Variants in NPFFR2 observed in about 807,000 individuals in gnomAD.
NPFFR2 encodes G-protein coupled receptor 74.
Under a neutral mutation model 13.1 loss-of-function variants are expected in NPFFR2, and 15 were observed. The observed-to-expected ratio is 1.15, with a 90% CI of 0.77 to 1.76. NPFFR2 has a LOEUF of 1.76. NPFFR2 is among the 40% of genes most tolerant of loss of function. The pLI, the probability that NPFFR2 is intolerant of heterozygous loss-of-function variation, is 0.00. For synonymous variants in NPFFR2, 190 were observed against 175.7 expected (o/e 1.08, Z -0.65); for missense variants, 572 against 503.5 (o/e 1.14, Z -1.30).
chr4:72,144,655 G>A (rs1023976940), intron 3 of NPFFR2, among the ~76,000 whole-genome samples: 2 of 151,982 alleles, frequency 1.3e-5, no homozygotes, highest in Admixed American at 1.3e-4. Flanking sequence ...AATTAAACAT[G>A]CCCAGAGCTG....
intron 1 of NPFFR2, among the ~76,000 whole-genome samples, chr4:72,102,563 C>T (rs887128886): frequency 8.1e-6 from 1 of 123,862 alleles, no homozygotes; most frequent in African/African-American, 3.1e-5. Context: ...GTGTGATGTT[C>T]CCCTTCCTGT....
intron 1 of NPFFR2, among the ~76,000 whole-genome samples, chr4:72,037,210 G>A (rs1719060548): frequency 6.6e-6 from 1 of 150,994 alleles, no homozygotes; most frequent in Admixed American, 6.6e-5. Flanking sequence ...GCAACATAGT[G>A]AGATCCTGTG....
chr4:72,056,149 C>G (rs1189852498), intron 1 of NPFFR2, among the ~76,000 whole-genome samples: 1 of 151,998 alleles, frequency 6.6e-6, no homozygotes, highest in African/African-American at 2.4e-5. Flanking sequence ...TGAGGACTTT[C>G]ATAGCTAGAG....
intron 1 of NPFFR2, among the ~76,000 whole-genome samples, chr4:72,058,928 C>T (rs78254513): frequency 7.2e-5 from 11 of 152,084 alleles, no homozygotes; most frequent in African/African-American, 2.4e-4. Context: ...CCAGTAAATC[C>T]GTTACAAAAT....
intron 3 of NPFFR2, among the ~76,000 whole-genome samples, chr4:72,144,795 G>A (rs984776183): frequency 2.0e-5 from 3 of 152,114 alleles, no homozygotes; most frequent in Non-Finnish European, 4.4e-5. Flanking sequence ...CTTTATCCTT[G>A]AATCTTCTTT....
At chr4:72,118,658 GA>G (rs1346343787) in intron 1 of NPFFR2, among the ~76,000 whole-genome samples, 1 of 151,678 alleles carries the variant, frequency 6.6e-6, no homozygotes, top group African/African-American at 2.4e-5. Flanking sequence ...AATTACAAAA[GA>G]AAAAAACCTA....
Position 72,120,240 on chromosome 4 carries a change from T to C in NPFFR2, c.-7-8345T>C, listed in dbSNP as rs376217879. Among the ~76,000 whole-genome samples the C allele has an allele frequency of 2.4e-3, 366 of 152,310 alleles. 3 individuals are homozygous for C. Among genetic ancestry groups the C allele is most frequent in the African/African-American group, 8.2e-3 (343 of 41,580 alleles). ...TCCTCCTCTCTGGGCAGGGCATCTC[T>C]GAAAGAAAGGCAGCAGCCCAAACAG... On this transcript the variant is annotated intron_variant, in intron 1 of 3. Transcript: ENST00000308744.
At chr4:72,095,234 T>C (rs1339034328) in intron 1 of NPFFR2, among the ~76,000 whole-genome samples, 5 of 152,240 alleles carry the variant, frequency 3.3e-5, no homozygotes, top group Admixed American at 6.5e-5. Context: ...ATTACAGATA[T>C]GTCTGCTGGT....
intron 1 of NPFFR2, among the ~76,000 whole-genome samples, chr4:72,051,731 AAT>A (rs1261131769): frequency 6.6e-6 from 1 of 152,146 alleles, no homozygotes; most frequent in African/African-American, 2.4e-5. Context: ...GGATCAACAA[AAT>A]TGATAGACTG....
At chr4:72,122,247 A>T (rs972788369) in intron 1 of NPFFR2, among the ~76,000 whole-genome samples, 1 of 152,232 alleles carries the variant, frequency 6.6e-6, no homozygotes, top group Non-Finnish European at 1.5e-5. Context: ...ACCCAGATTC[A>T]TAAAACAAGT....
intron 1 of NPFFR2, among the ~76,000 whole-genome samples, chr4:72,033,951 A>G (rs184958763): frequency 6.6e-6 from 1 of 152,216 alleles, no homozygotes; most frequent in African/African-American, 2.4e-5. Context: ...TTTTATGAGA[A>G]TTCCATGCAA....
intron 1 of NPFFR2, among the ~76,000 whole-genome samples, chr4:72,121,489 G>C (rs1037643705): frequency 6.6e-6 from 1 of 151,866 alleles, no homozygotes; most frequent in Non-Finnish European, 1.5e-5. Context: ...AAATCTTAAG[G>C]GCAACCAGAG....
At chr4:72,096,234 A>G (rs1162502117) in intron 1 of NPFFR2, among the ~76,000 whole-genome samples, 1 of 152,202 alleles carries the variant, frequency 6.6e-6, no homozygotes, top group Non-Finnish European at 1.5e-5. Context: ...TGGTAATTTT[A>G]AAAAAGATGA....
chr4:72,119,025 A>C (rs1354769286), intron 1 of NPFFR2, among the ~76,000 whole-genome samples: 13 of 150,734 alleles, frequency 8.6e-5, no homozygotes, highest in African/African-American at 3.2e-4. Context: ...TGAGATGAGA[A>C]TTGAACAGGA....
intron 1 of NPFFR2, among the ~76,000 whole-genome samples, chr4:72,048,306 G>T (rs1469418190): frequency 1.3e-5 from 2 of 152,052 alleles, no homozygotes; most frequent in African/African-American, 4.8e-5. Context: ...CAGGAATAGA[G>T]AATAAGTTAT....
At chr4:72,059,551 T>C (rs1261905200) in intron 1 of NPFFR2, among the ~76,000 whole-genome samples, 3 of 152,076 alleles carry the variant, frequency 2.0e-5, no homozygotes, top group African/African-American at 7.2e-5. Flanking sequence ...TTGAAGTCTT[T>C]GATGATGGCA....
At chr4:72,094,821 TC>T (rs1721015662) in intron 1 of NPFFR2, among the ~76,000 whole-genome samples, 1 of 152,184 alleles carries the variant, frequency 6.6e-6, no homozygotes, top group Non-Finnish European at 1.5e-5. Context: ...CTTCAAAAAG[TC>T]TGTGGAAGTT....
chr4:72,070,161 C>T (rs1720202029), intron 1 of NPFFR2, among the ~76,000 whole-genome samples: 1 of 152,136 alleles, frequency 6.6e-6, no homozygotes, highest in African/African-American at 2.4e-5. Context: ...GAGATTGCTC[C>T]TTTAACCACT....
At chr4:72,070,574 G>GTGTGTGTGTGTGT (rs1375276375) in intron 1 of NPFFR2, among the ~76,000 whole-genome samples, 3 of 2,606 alleles carry the variant, frequency 1.2e-3, no homozygotes, top group Non-Finnish European at 5.0e-3. Flanking sequence ...GGGGGGGGGT[G>GTGTGTGTGTGTGT]GGGCTCTGGT....
Sources: allele counts gnomAD v4.1 joint callset (sites outside exome capture counted in the v4.1 genomes callset), GRCh38; gene constraint gnomAD v4.1.1; transcripts MANE v1.5; gene names NCBI Gene and HGNC (gene_info 2026-07-23, HGNC 2026-07-21).